Variants in WRN observed in about 807,000 individuals in gnomAD.
The protein encoded by WRN is WRN RecQ like helicase.
WRN carries 149 observed loss-of-function variants against 180.7 expected under a neutral mutation model. The ratio of observed to expected loss-of-function variants is 0.82; its 90% CI spans 0.72 to 0.94. The LOEUF is 0.94. WRN is among the 40% of genes least tolerant of loss of function. WRN has a pLI of 0.00. For missense variants in WRN, 1,661 were observed against 1,700.1 expected (o/e 0.98, Z 0.40); for synonymous variants, 548 against 568.9 (o/e 0.96, Z 0.52).
chr8:31,141,323 G>A (rs1234929644), intron 24 of WRN, 107 bp from the exon 25 acceptor site: 1 of 1,438,272 alleles, frequency 7.0e-7, no homozygotes, highest in Non-Finnish European at 9.5e-7. Context: ...GGTTTTTAAA[G>A]TTGAAATTTA....
At chr8:31,116,992 AT>A (rs1396135218) in intron 20 of WRN, among the ~76,000 whole-genome samples, 2 of 152,126 alleles carry the variant, frequency 1.3e-5, no homozygotes, top group Admixed American at 6.5e-5. Flanking sequence ...GGCACAAAGT[AT>A]GGACAAAGAG....
chr8:31,068,552 G>A (rs1167280395), intron 7 of WRN, among the ~76,000 whole-genome samples: 4 of 152,142 alleles, frequency 2.6e-5, no homozygotes, highest in East Asian at 1.9e-4. Context: ...GCATTGCTAT[G>A]TATTTGGCTT....
chr8:31,046,207 T>G (rs1201646497), intron 1 of WRN, among the ~76,000 whole-genome samples: 1 of 152,208 alleles, frequency 6.6e-6, no homozygotes, highest in Non-Finnish European at 1.5e-5. Context: ...TTATTTTGCA[T>G]CTGGTACCTT....
chr8:31,087,719 G>C, intron 11 of WRN, 57 bp from the exon 12 acceptor site: 1 of 1,566,964 alleles, frequency 6.4e-7, no homozygotes, highest in Non-Finnish European at 8.8e-7. Context: ...TGTGTTTGGT[G>C]AAAAAGATAC....
At chr8:31,142,247 A>G (rs751450597) in intron 26 of WRN, among the ~76,000 whole-genome samples, 1 of 152,200 alleles carries the variant, frequency 6.6e-6, no homozygotes, top group Non-Finnish European at 1.5e-5. Flanking sequence ...GCTCCCAGCC[A>G]GAACATTTTC....
Position 31,141,582 on chromosome 8 carries a change from T to C in WRN, c.3120T>C (p.Ile1040=). Residue 1040 remains isoleucine, a synonymous_variant, in exon 25 of 35, where the codon ATT becomes ATC. Coordinates refer to ENST00000298139, the MANE Select transcript of WRN (RefSeq NM_000553.6). ...CTCGGTATAACAAATTTATGAAGAT[T>C]TGCGCCCTTACGAAAAAGGTAAACG... The part of the protein sequence containing the change: ...EVSRYNKFMK[I]CALTKKGRNW... 6.2e-7 allele frequency: 1 copy of C among 1,614,146 alleles called. No individual in the cohort carries two copies. The highest frequency in any genetic ancestry group is 8.5e-7 in the Non-Finnish European group (1 of 1,180,032).
intron 6 of WRN, 105 bp from the exon 7 acceptor site, chr8:31,068,153 T>G: frequency 1.3e-6 from 1 of 789,238 alleles, no homozygotes; most frequent in South Asian, 1.6e-5. Context: ...ATTCCATGTT[T>G]GGGTGCTTTG....
At chr8:31,080,176 C>T (rs914705021) in intron 8 of WRN, among the ~76,000 whole-genome samples, 6 of 152,266 alleles carry the variant, frequency 3.9e-5, no homozygotes, top group African/African-American at 4.8e-5. Context: ...CCACCGTGCC[C>T]GCCCCAAATT....
At chr8:31,100,424 G>T (rs1173927347) in intron 17 of WRN, among the ~76,000 whole-genome samples, 3 of 152,108 alleles carry the variant, frequency 2.0e-5, no homozygotes, top group Admixed American at 6.5e-5. Context: ...AATCATGGAT[G>T]GCGATGCAGT....
intron 15 of WRN, 112 bp downstream of exon 15, chr8:31,091,054 G>A: frequency 1.2e-6 from 1 of 844,106 alleles, no homozygotes; most frequent in Non-Finnish European, 2.0e-6. Flanking sequence ...ATTTCTGCAG[G>A]TATTGCTTTA....
intron 11 of WRN, among the ~76,000 whole-genome samples, chr8:31,085,713 A>T (rs1585434067): frequency 6.6e-6 from 1 of 151,962 alleles, no homozygotes; most frequent in Admixed American, 6.6e-5. Flanking sequence ...CAAGTGATCT[A>T]CTGGCCTCAG....
intron 24 of WRN, among the ~76,000 whole-genome samples, chr8:31,138,798 C>T (rs1020563266): frequency 2.0e-5 from 3 of 152,116 alleles, no homozygotes; most frequent in East Asian, 1.9e-4. Context: ...TACAGATTCT[C>T]TTAACTATAC....
chr8:31,079,480 C>T (rs1002589432), intron 8 of WRN, among the ~76,000 whole-genome samples: 2 of 152,168 alleles, frequency 1.3e-5, no homozygotes, highest in Non-Finnish European at 2.9e-5. Flanking sequence ...TTATGAAGTA[C>T]TTTAATAAGC....
Position 31,068,391 on chromosome 8 carries a change from G to T in WRN, c.724+64G>T, listed in dbSNP as rs1017742065. 44 of 1,353,302 alleles carry T rather than the reference G, an allele frequency of 3.3e-5. 1 individual carries two copies. In the Admixed American group the frequency reaches 6.5e-4, roughly 20 times the overall value. The allele number at this position is 1,353,302 out of a possible 1,614,324, so 83.8% of individuals were successfully genotyped here. A position where few individuals can be genotyped will look rare whatever the true frequency, so the allele number is the denominator to read the frequency against. On this transcript the variant is annotated intron_variant, in intron 7 of 34. Transcript: ENST00000298139. Reference sequence around the variant, plus strand: ...TTTGTGAGGTTTATCTCCAAAAAAGGCAATATTCACATATTTGCAAAGCAT... The same window carrying T: ...TTTGTGAGGTTTATCTCCAAAAAAGTCAATATTCACATATTTGCAAAGCAT...
At chr8:31,116,216 CATT>C (rs1477819130) in intron 19 of WRN, 135 bp from the exon 20 acceptor site, 32 of 848,538 alleles carry the variant, frequency 3.8e-5, no homozygotes, top group Non-Finnish European at 5.4e-5. Flanking sequence ...TTAAATATAT[CATT>C]ATTTTTGATA....
At chr8:31,170,799 A>G (rs749126256) in intron 34 of WRN, among the ~76,000 whole-genome samples, 6 of 152,174 alleles carry the variant, frequency 3.9e-5, no homozygotes, top group Non-Finnish European at 7.3e-5. Flanking sequence ...GAAGACTTCA[A>G]ATACTTATTG....
rs2130284927 is a variant in WRN at position 31,111,804 on chromosome 8, G to A, written c.2273+5G>A. 1 of 1,612,808 alleles carries A rather than the reference G, an allele frequency of 6.2e-7. No homozygotes were observed. Among genetic ancestry groups the A allele is most frequent in the Non-Finnish European group, 8.5e-7 (1 of 1,179,598 alleles). On this transcript the variant is annotated splice_donor_5th_base_variant and intron_variant, in intron 19 of 34. Coordinates refer to ENST00000298139, the MANE Select transcript of WRN (RefSeq NM_000553.6). ...GCCATTTCTTGTCAAAACAAGGTAAGGATTTAATGGTTGATGAATTTTGGT... is the reference window on the plus strand; with the variant it reads ...GCCATTTCTTGTCAAAACAAGGTAAAGATTTAATGGTTGATGAATTTTGGT...
chr8:31,083,379 G>A (rs755031721), intron 9 of WRN, among the ~76,000 whole-genome samples: 52 of 152,132 alleles, frequency 3.4e-4, no homozygotes, highest in Non-Finnish European at 7.1e-4. Context: ...AAAAGTTTGG[G>A]AGACACAGTG....
At position 31,085,283 on chromosome 8, in the gene WRN, T is replaced by C. The variant is rs747568712; in HGVS notation, c.1431+37T>C. On this transcript the variant is annotated intron_variant, in intron 11 of 34. Coordinates refer to ENST00000298139, the MANE Select transcript of WRN (RefSeq NM_000553.6). ...ATTATAAAAACATTACTTCAAGTTC[T>C]TTCCAAAGGACATTTAATTAAGTAA... The C allele has an allele frequency of 6.9e-5, 111 of 1,609,194 alleles. 1 individual carries two copies. The highest frequency in any genetic ancestry group is 6.6e-4 in the Middle Eastern group (4 of 6,042).
Sources: gnomAD v4.1 joint callset for allele counts (sites outside exome capture counted in the v4.1 genomes callset) on GRCh38, gnomAD v4.1.1 for gene constraint, MANE v1.5 for transcripts, NCBI Gene and HGNC (gene_info 2026-07-23, HGNC 2026-07-21) for gene names.